The following GALNT13 variants were observed in gnomAD, a reference collection of about 807,000 sequenced individuals.
The protein encoded by GALNT13 is polypeptide N-acetylgalactosaminyltransferase 13.
Under a neutral mutation model 64.2 loss-of-function variants are expected in GALNT13, and 28 were observed. The ratio of observed to expected loss-of-function variants is 0.44; its 90% CI spans 0.32 to 0.60. The LOEUF (loss-of-function observed/expected upper bound fraction) is 0.60. Ranked by LOEUF, GALNT13 falls within the 20% of genes least tolerant of loss-of-function variation. The pLI, the probability that GALNT13 is intolerant of heterozygous loss-of-function variation, is 0.05. For missense variants in GALNT13, 577 were observed against 669.8 expected, an observed-to-expected ratio of 0.86 and a Z score of 1.53; for synonymous variants, 214 against 224.6, an observed-to-expected ratio of 0.95 and a Z score of 0.42.
At chr2:153,104,193 A>G in the GALNT13 span, among the ~76,000 whole-genome samples, 1 of 152,180 alleles carries the variant, frequency 6.6e-6, no homozygotes, top group Non-Finnish European at 1.5e-5. Context: ...AAAGGAAGCA[A>G]TACTTTTTCC....
the GALNT13 span, among the ~76,000 whole-genome samples, chr2:153,453,435 A>T: frequency 1.3e-5 from 2 of 152,218 alleles, no homozygotes; most frequent in Admixed American, 1.3e-4. Context: ...AACAATATAT[A>T]ACCCCATTAA....
At chr2:153,515,370 T>C in the GALNT13 span, among the ~76,000 whole-genome samples, 1 of 152,234 alleles carries the variant, frequency 6.6e-6, no homozygotes, top group Non-Finnish European at 1.5e-5. Flanking sequence ...GCTTCTGTGC[T>C]TTGCACTTTC....
Position 154,262,307 on chromosome 2 carries a change from G to A in GALNT13, c.975+3169G>A, listed in dbSNP as rs971269811. ...AAGGTTCATCTCTCCATAACATAAC[G>A]AACCTAACAGTTGATGGTATTATTA... is the stretch of plus-strand genomic sequence containing the variant. On this transcript the variant is annotated intron_variant, in intron 8 of 12. Transcript: ENST00000392825. Among the ~76,000 whole-genome samples the A allele has an allele frequency of 4.6e-5, 7 of 152,046 alleles. No individual in the cohort carries two copies. In the East Asian group the frequency reaches 9.6e-4, roughly 21 times the overall value.
chr2:154,298,722 ATATTAT>A (rs1559076077), intron 8 of GALNT13, among the ~76,000 whole-genome samples: 8 of 65,828 alleles, frequency 1.2e-4, no homozygotes, highest in African/African-American at 4.3e-4. Flanking sequence ...TATATAAATT[ATATTAT>A]TTATATATAG....
At chr2:153,222,552 T>C in the GALNT13 span, among the ~76,000 whole-genome samples, 1 of 152,150 alleles carries the variant, frequency 6.6e-6, no homozygotes, top group South Asian at 2.1e-4. Context: ...CAGCAGGCTG[T>C]CTGCCTCTTG....
chr2:154,083,674 A>G (rs1574470726), intron 3 of GALNT13, among the ~76,000 whole-genome samples: 1 of 151,440 alleles, frequency 6.6e-6, no homozygotes, highest in East Asian at 2.0e-4. Context: ...CTTTGTGGCA[A>G]CTCACCTTTT....
At chr2:153,147,541 CTT>C in the GALNT13 span, among the ~76,000 whole-genome samples, 664 of 132,002 alleles carry the variant, frequency 5.0e-3, 10 homozygotes, top group African/African-American at 0.016. Flanking sequence ...AAGCATTAGA[CTT>C]TTTTTTTTTT....
chr2:153,353,339 A>G, the GALNT13 span, among the ~76,000 whole-genome samples: 1 of 152,120 alleles, frequency 6.6e-6, no homozygotes, highest in Admixed American at 6.6e-5. Flanking sequence ...ATTAGTTTCA[A>G]AGTATTTTTT....
At chr2:153,264,485 C>G in the GALNT13 span, among the ~76,000 whole-genome samples, 2 of 152,298 alleles carry the variant, frequency 1.3e-5, no homozygotes, top group Admixed American at 1.3e-4. Flanking sequence ...GATACATGCA[C>G]TTGTATGCTC....
chr2:154,356,102 A>T (rs958744933), intron 9 of GALNT13, among the ~76,000 whole-genome samples: 2 of 152,014 alleles, frequency 1.3e-5, no homozygotes, highest in Admixed American at 1.3e-4. Flanking sequence ...TCACTATTCT[A>T]TTGGTGAGAT....
chr2:153,607,598 GATT>G, the GALNT13 span, among the ~76,000 whole-genome samples: 1 of 152,094 alleles, frequency 6.6e-6, no homozygotes, highest in Non-Finnish European at 1.5e-5. Flanking sequence ...TCAGTTGAAA[GATT>G]ATAACTTTTA....
chr2:153,920,323 A>G (rs1222481794), intron 2 of GALNT13, among the ~76,000 whole-genome samples: 4 of 152,104 alleles, frequency 2.6e-5, no homozygotes, highest in Non-Finnish European at 5.9e-5. Context: ...CCCAGAAATA[A>G]GGCACCTCAC....
chr2:153,898,378 T>G (rs529214971), intron 1 of GALNT13, among the ~76,000 whole-genome samples: 2 of 152,336 alleles, frequency 1.3e-5, no homozygotes, highest in African/African-American at 4.8e-5. Context: ...TATATTGATA[T>G]TTGAAGACAA....
the GALNT13 span, among the ~76,000 whole-genome samples, chr2:153,640,589 G>T: frequency 6.6e-6 from 1 of 151,822 alleles, no homozygotes; most frequent in Non-Finnish European, 1.5e-5. Flanking sequence ...GACCAGCCTG[G>T]GCAATATAAT....
chr2:153,267,230 C>T, the GALNT13 span, among the ~76,000 whole-genome samples: 1 of 152,208 alleles, frequency 6.6e-6, no homozygotes. Context: ...GCTGCTTTCA[C>T]AGGCTGGTGG....
At chr2:153,858,328 G>T in the GALNT13 span, among the ~76,000 whole-genome samples, 2 of 152,162 alleles carry the variant, frequency 1.3e-5, no homozygotes, top group Non-Finnish European at 2.9e-5. Flanking sequence ...CCACTGAAAG[G>T]ACTCTGATAT....
intron 9 of GALNT13, among the ~76,000 whole-genome samples, chr2:154,354,544 G>A (rs887377947): frequency 6.7e-6 from 1 of 148,790 alleles, no homozygotes; most frequent in Non-Finnish European, 1.5e-5. Context: ...TATGGTTTCA[G>A]ATCTTACATT....
chr2:154,278,760 A>G (rs1171482050), intron 8 of GALNT13, among the ~76,000 whole-genome samples: 1 of 152,172 alleles, frequency 6.6e-6, no homozygotes, highest in Non-Finnish European at 1.5e-5. Context: ...GATTCAAGAT[A>G]GTGGAATATA....
chr2:153,254,775 G>T, the GALNT13 span, among the ~76,000 whole-genome samples: 30 of 152,036 alleles, frequency 2.0e-4, no homozygotes, highest in South Asian at 4.2e-4. Context: ...GTAGTTGAGT[G>T]GTTTTGAGTG....
Sources: allele counts gnomAD v4.1 joint callset (sites outside exome capture counted in the v4.1 genomes callset), GRCh38; gene constraint gnomAD v4.1.1; transcripts MANE v1.5; gene names NCBI Gene and HGNC (gene_info 2026-07-23, HGNC 2026-07-21).